CUL2: variants seen among roughly 807,000 people sequenced by gnomAD.
The protein encoded by CUL2 is cullin-2.
CUL2 carries 22 observed loss-of-function variants against 110.2 expected under a neutral mutation model. That is an observed-to-expected ratio of 0.20 (90% CI 0.14 to 0.28). The LOEUF is 0.28. CUL2 is among the 10% of genes least tolerant of loss of function. The pLI is 1.00. For missense variants in CUL2, 631 were observed against 905.5 expected, an observed-to-expected ratio of 0.70 and a Z score of 3.89; for synonymous variants, 279 against 293.2, an observed-to-expected ratio of 0.95 and a Z score of 0.49.
intron 3 of CUL2, among the ~76,000 whole-genome samples, chr10:35,062,237 T>C (rs956628559): frequency 6.6e-6 from 1 of 152,186 alleles, no homozygotes; most frequent in Non-Finnish European, 1.5e-5. Context: ...AGCATACTAA[T>C]AAAAAAACTG....
intron 6 of CUL2, among the ~76,000 whole-genome samples, chr10:35,045,468 A>G (rs2085911213): frequency 6.7e-6 from 1 of 149,176 alleles, no homozygotes; most frequent in Non-Finnish European, 1.5e-5. Context: ...GGTCCCAGCT[A>G]CTCTGGAGGC....
intron 9 of CUL2, among the ~76,000 whole-genome samples, chr10:35,035,692 TGA>T (rs2085604518): frequency 6.6e-6 from 1 of 152,220 alleles, no homozygotes; most frequent in African/African-American, 2.4e-5. Flanking sequence ...TCTTAACAAC[TGA>T]TGGAAATTTA....
Position 35,077,898 on chromosome 10 carries a change from C to T in CUL2, c.-22-6559G>A, listed in dbSNP as rs143786549. On this transcript the variant is annotated intron_variant, in intron 1 of 20. Transcript: ENST00000374749. ...GTAATGATATGCTGTCTGAAATCTG[C>T]TTCACAATTAAACAGCTTGCTCATG... Among the ~76,000 whole-genome samples the T allele has an allele frequency of 1.5e-4, 23 of 151,802 alleles. No individual in the cohort carries two copies. The East Asian group carries it at 2.7e-3, about 18-fold the overall frequency.
At position 35,087,680 on chromosome 10, in the gene CUL2, T is replaced by C. The variant is rs527980466; in HGVS notation, c.-23+2499A>G. 4.3e-4 allele frequency among the ~76,000 whole-genome samples: 66 copies of C among 152,298 alleles called. 1 individual carries two copies. The highest frequency in any genetic ancestry group is 1.6e-3 in the African/African-American group (65 of 41,590). On this transcript the variant is annotated intron_variant, in intron 1 of 20. Coordinates refer to ENST00000374749, the MANE Select transcript of CUL2 (RefSeq NM_003591.4). ...CCAGAATTGACCCATCCCAACTGCATGCTCATCCAAAACATGACAATTTCA... is the reference window on the plus strand; with the variant it reads ...CCAGAATTGACCCATCCCAACTGCACGCTCATCCAAAACATGACAATTTCA...
chr10:35,109,114 G>C (rs946064579), intron 1 of CUL2, among the ~76,000 whole-genome samples: 3 of 152,168 alleles, frequency 2.0e-5, no homozygotes, highest in Admixed American at 2.0e-4. Flanking sequence ...TTGGGAGGCT[G>C]AGGTAAGAGG....
intron 2 of CUL2, among the ~76,000 whole-genome samples, chr10:35,068,923 A>G (rs772006568): frequency 6.6e-6 from 1 of 152,130 alleles, no homozygotes; most frequent in Non-Finnish European, 1.5e-5. Flanking sequence ...GCTGTAGTGC[A>G]ATGGCCCGAT....
intron 9 of CUL2, among the ~76,000 whole-genome samples, 155 bp downstream of exon 9, chr10:35,038,763 AAT>A (rs1423821279): frequency 6.6e-6 from 1 of 151,996 alleles, no homozygotes; most frequent in Non-Finnish European, 1.5e-5. Context: ...ACTTTCCTAA[AAT>A]AGTCTTTCAA....
upstream of CUL2, among the ~76,000 whole-genome samples, chr10:35,093,982 C>A (rs535150539): frequency 5.3e-5 from 8 of 151,954 alleles, no homozygotes; most frequent in Middle Eastern, 3.4e-3. Flanking sequence ...TAAAATTAAT[C>A]AGTAATTTAA....
intron 11 of CUL2, 108 bp downstream of exon 11, chr10:35,033,052 ACTTAAT>A (rs2085517852): frequency 4.2e-6 from 2 of 475,300 alleles, no homozygotes; most frequent in Admixed American, 3.8e-5. Context: ...TATCAAAATT[ACTTAAT>A]CTCCATGTCT....
chr10:35,018,076 G>T (rs1417491288), intron 17 of CUL2, among the ~76,000 whole-genome samples: 1 of 147,342 alleles, frequency 6.8e-6, no homozygotes, highest in Non-Finnish European at 1.5e-5. Flanking sequence ...GGATCACGAG[G>T]TCAGGAGATC....
Position 35,010,169 on chromosome 10 carries a change from G to A in CUL2, c.*142C>T. On this transcript the variant is annotated 3_prime_UTR_variant, in exon 21 of 21. Transcript: ENST00000374749. ...GCATTTTCTTTGACGCTCATGACGT[G>A]GCACTGGTGATGTTGTAAACAGCAG... The A allele has an allele frequency of 1.6e-6, 1 of 626,478 alleles. No individual in the cohort carries two copies. The highest frequency in any genetic ancestry group is 2.4e-6 in the Non-Finnish European group (1 of 415,572). 38.8% of individuals were successfully genotyped at this position (626,478 alleles called of 1,614,324 possible).
chr10:35,052,648 C>G (rs1398992055), intron 5 of CUL2, among the ~76,000 whole-genome samples: 3 of 152,128 alleles, frequency 2.0e-5, no homozygotes, highest in Admixed American at 2.0e-4. Context: ...GTAATCCCAG[C>G]ACTTTGAGAA....
At chr10:35,052,485 T>A (rs2086135852) in intron 5 of CUL2, among the ~76,000 whole-genome samples, 1 of 152,160 alleles carries the variant, frequency 6.6e-6, no homozygotes, top group African/African-American at 2.4e-5. Context: ...AGCATAAGAT[T>A]TTTCTCTATT....
intron 1 of CUL2, among the ~76,000 whole-genome samples, chr10:35,081,143 G>A (rs759727750): frequency 4.6e-4 from 70 of 152,242 alleles, no homozygotes; most frequent in Middle Eastern, 3.4e-3. Context: ...AGCTTGGCTT[G>A]AGCAAAGGAG....
intron 16 of CUL2, among the ~76,000 whole-genome samples, chr10:35,026,511 C>A (rs1359113060): frequency 1.3e-5 from 2 of 152,134 alleles, no homozygotes; most frequent in African/African-American, 4.8e-5. Context: ...ATTTAAAGTG[C>A]AAAGCTGGCT....
At chr10:35,077,411 C>T (rs549914625) in intron 1 of CUL2, among the ~76,000 whole-genome samples, 40 of 151,496 alleles carry the variant, frequency 2.6e-4, no homozygotes, top group Admixed American at 7.2e-4. Flanking sequence ...GGAGGAGAAT[C>T]GCTTGAACCT....
chr10:35,078,030 ACTC>A (rs2086863992), intron 1 of CUL2, among the ~76,000 whole-genome samples: 1 of 151,898 alleles, frequency 6.6e-6, no homozygotes, highest in South Asian at 2.1e-4. Flanking sequence ...TAAAAATCCT[ACTC>A]CTCATAAACA....
chr10:35,099,961 G>A (rs1835369896), intron 2 of CUL2, among the ~76,000 whole-genome samples: 1 of 151,946 alleles, frequency 6.6e-6, no homozygotes, highest in African/African-American at 2.4e-5. Context: ...TTGTGTAGTG[G>A]GGTTTTTGTT....
intron 1 of CUL2, 58 bp from the exon 2 acceptor site, chr10:35,071,397 G>C (rs1191336370): frequency 6.7e-7 from 1 of 1,483,796 alleles, no homozygotes; most frequent in East Asian, 2.3e-5. Flanking sequence ...TAGTTTTTTT[G>C]TTGTTGTTTT....
Sources: allele counts gnomAD v4.1 joint callset (sites outside exome capture counted in the v4.1 genomes callset), GRCh38; gene constraint gnomAD v4.1.1; transcripts MANE v1.5; gene names NCBI Gene and HGNC (gene_info 2026-07-23, HGNC 2026-07-21).